The following RAB6A variants were observed in gnomAD, a reference collection of about 807,000 sequenced individuals.
The protein encoded by RAB6A is ras-related protein Rab-6A.
In RAB6A, 8 loss-of-function variants were observed where a neutral mutation model predicts 32.3. That is an observed-to-expected ratio of 0.25 (90% CI 0.15 to 0.45). The LOEUF is 0.45. Among genes scored for constraint, RAB6A ranks in the 20% least tolerant of loss-of-function variants. The pLI is 1.00. For synonymous variants in RAB6A, 73 were observed against 82.1 expected (o/e 0.89, Z 0.60); for missense variants, 104 against 249.4 (o/e 0.42, Z 3.93).
chr11:73,722,337 A>ATT (rs1946152503), intron 2 of RAB6A: 7 of 9,988 alleles, frequency 7.0e-4, no homozygotes, highest in African/African-American at 2.5e-3. Flanking sequence ...ATATATATAT[A>ATT]TATATATTTT....
chr11:73,725,409 G>C (rs1946201102), intron 2 of RAB6A, among the ~76,000 whole-genome samples: 1 of 152,212 alleles, frequency 6.6e-6, no homozygotes, highest in Non-Finnish European at 1.5e-5. Context: ...AAAGAGAAGT[G>C]TATTAGTCTG....
Position 73,760,585 on chromosome 11 carries a change from C to A in RAB6A, c.51G>T (p.Val17=), listed in dbSNP as rs762361474. The part of the protein sequence containing the change: ...FGNPLRKFKL[V]FLGEQSVGKT... ...ACTCACCGCTTTGCTCCCCCAGGAA[C>A]ACCAGCTTGAATTTCCTCAGCGGAT... is the stretch of plus-strand genomic sequence containing the variant. Residue 17 remains valine (V), a synonymous_variant, in exon 1 of 8, where the codon GTG becomes GTT. Transcript: ENST00000336083. 32 of 1,611,050 alleles carry A rather than the reference C, an allele frequency of 2.0e-5. No homozygotes were observed. Among genetic ancestry groups the A allele is most frequent in the Non-Finnish European group, 2.6e-5 (31 of 1,178,782 alleles).
At chr11:73,695,313 T>A (rs754859260) in intron 6 of RAB6A, among the ~76,000 whole-genome samples, 1 of 151,808 alleles carries the variant, frequency 6.6e-6, no homozygotes, top group South Asian at 2.1e-4. Context: ...TGACTAAGTA[T>A]GAGACTAGTA....
chr11:73,741,418 G>A lies in RAB6A; in HGVS notation c.71-10595C>T, dbSNP rs1291462111. ...CTCCCAAAGTGCTAAGATTATAGGC[G>A]TGAGCCACCGTGCCTGGCCCAAAAT... On this transcript the variant is annotated intron_variant, in intron 1 of 7. Transcript: ENST00000336083. Among the ~76,000 whole-genome samples the A allele has an allele frequency of 6.6e-5, 10 of 152,192 alleles. No homozygotes were observed. In the East Asian group the frequency reaches 7.7e-4, roughly 12 times the overall value.
At position 73,744,188 on chromosome 11, in the gene RAB6A, A is replaced by AT. The variant is rs57268769; in HGVS notation, c.71-13366dup. 3.7e-3 allele frequency among the ~76,000 whole-genome samples: 566 copies of AT among 152,006 alleles called. 4 individuals are homozygous for AT. Among genetic ancestry groups the AT allele is most frequent in the African/African-American group, 0.013 (538 of 41,454 alleles). ...CCTGTCTCTACTAAAAATACAAAAA[A>AT]TTAGCCGGGCATGGTGGTGGGCGCC... is the stretch of plus-strand genomic sequence containing the variant. On this transcript the variant is annotated intron_variant, in intron 1 of 7. Transcript: ENST00000336083.
At position 73,685,588 on chromosome 11, in the gene RAB6A, G is replaced by GAAAGTCTTTTTTTTTTTTTTT. The variant is rs1555054176; in HGVS notation, c.496-5869_496-5868insAAAAAAAAAAAAAAAGACTTT. ...AAGTGTGAGCCACCACGCCCGGACT[G>GAAAGTCTTTTTTTTTTTTTTT]AAAGTAGCGACCAGGTGCGGTGCCT... On this transcript the variant is annotated intron_variant, in intron 6 of 7. Coordinates refer to ENST00000336083, the MANE Select transcript of RAB6A (RefSeq NM_198896.2). Among the ~76,000 whole-genome samples, 5 of 89,584 alleles carry GAAAGTCTTTTTTTTTTTTTTT rather than the reference G, an allele frequency of 5.6e-5. 2 individuals are homozygous for GAAAGTCTTTTTTTTTTTTTTT. The highest frequency in any genetic ancestry group is 1.4e-4 in the Admixed American group (1 of 7,154). 58.8% of individuals were successfully genotyped at this position (89,584 alleles called of 152,430 possible).
intron 5 of RAB6A, among the ~76,000 whole-genome samples, chr11:73,714,176 GAGC>G (rs1946011164): frequency 1.0e-5 from 1 of 95,316 alleles, no homozygotes; most frequent in Non-Finnish European, 2.0e-5. Flanking sequence ...TAAGCAACAA[GAGC>G]AGAACTCCAT....
At chr11:73,685,155 C>T (rs1945422775) in intron 6 of RAB6A, among the ~76,000 whole-genome samples, 1 of 152,186 alleles carries the variant, frequency 6.6e-6, no homozygotes, top group South Asian at 2.1e-4. Flanking sequence ...ATCATGTAAT[C>T]TTCGTTCCTC....
Position 73,691,633 on chromosome 11 carries a change from A to T in RAB6A, c.496-11913T>A, listed in dbSNP as rs577452207. Among the ~76,000 whole-genome samples, 4 of 152,334 alleles carry T rather than the reference A, an allele frequency of 2.6e-5. No individual in the cohort carries two copies. In the South Asian group the frequency reaches 8.3e-4, roughly 32 times the overall value. ...GTAGATATTTTTCAAAATGTTAGCT[A>T]AAACAATAATTAAGGGGTGTGAAAA... On this transcript the variant is annotated intron_variant, in intron 6 of 7. Coordinates refer to ENST00000336083, the MANE Select transcript of RAB6A (RefSeq NM_198896.2).
At chr11:73,692,005 C>T (rs1362117800) in intron 6 of RAB6A, among the ~76,000 whole-genome samples, 1 of 151,928 alleles carries the variant, frequency 6.6e-6, no homozygotes, top group Non-Finnish European at 1.5e-5. Flanking sequence ...AAGTGCAGCA[C>T]AAATGTTTAT....
chr11:73,744,387 T>G (rs1356691145), intron 1 of RAB6A, among the ~76,000 whole-genome samples: 1 of 150,366 alleles, frequency 6.7e-6, no homozygotes, highest in Non-Finnish European at 1.5e-5. Flanking sequence ...AGCACATGCT[T>G]GTGGTCCCAG....
At chr11:73,702,375 T>C (rs966857826) in intron 6 of RAB6A, among the ~76,000 whole-genome samples, 2 of 152,228 alleles carry the variant, frequency 1.3e-5, no homozygotes, top group Non-Finnish European at 1.5e-5. Context: ...TTTCACTATG[T>C]TGACCAGGAT....
chr11:73,760,754 C>A lies in RAB6A; in HGVS notation c.-119G>T, dbSNP rs372385412. Reference sequence around the variant, plus strand: ...GGGCACCGAGCTCTCTCGGCCCCTGCAAGGCCCGGTGGAGGAGCCCGGCTG... The same window carrying A: ...GGGCACCGAGCTCTCTCGGCCCCTGAAAGGCCCGGTGGAGGAGCCCGGCTG... On this transcript the variant is annotated 5_prime_UTR_variant, in exon 1 of 8. Coordinates refer to ENST00000336083, the MANE Select transcript of RAB6A (RefSeq NM_198896.2). 1.1e-4 allele frequency: 155 copies of A among 1,427,878 alleles called. No individual in the cohort carries two copies. The African/African-American group carries it at 2.1e-3, about 19-fold the overall frequency. The allele number at this position is 1,427,878 out of a possible 1,614,324, so 88.5% of individuals were successfully genotyped here. A position where few individuals can be genotyped will look rare whatever the true frequency, so the allele number is the denominator to read the frequency against.
chr11:73,694,179 G>C (rs904388577), intron 6 of RAB6A, among the ~76,000 whole-genome samples: 5 of 152,038 alleles, frequency 3.3e-5, no homozygotes, highest in African/African-American at 1.2e-4. Context: ...GTGCAGCTAG[G>C]GTTAAGAACC....
chr11:73,689,475 C>T (rs183892940), intron 6 of RAB6A, among the ~76,000 whole-genome samples: 41 of 152,292 alleles, frequency 2.7e-4, no homozygotes, highest in Middle Eastern at 3.4e-3. Context: ...TAACAGGCCA[C>T]GGACCAGTAT....
intron 7 of RAB6A, 75 bp from the exon 8 acceptor site, chr11:73,678,037 G>A: frequency 6.9e-7 from 1 of 1,457,046 alleles, no homozygotes; most frequent in Non-Finnish European, 9.6e-7. Flanking sequence ...TTTCTGGGAT[G>A]GCCCTTATAT....
intron 1 of RAB6A, among the ~76,000 whole-genome samples, chr11:73,742,344 C>T (rs1024262236): frequency 6.6e-6 from 1 of 152,100 alleles, no homozygotes; most frequent in Non-Finnish European, 1.5e-5. Context: ...GCTATGGCTG[C>T]CCAGCCTTGT....
chr11:73,716,466 G>GC (rs1382561296), intron 4 of RAB6A, 104 bp from the exon 5 acceptor site: 1 of 688,208 alleles, frequency 1.5e-6, no homozygotes, highest in African/African-American at 1.8e-5. Context: ...AAGGGGGCTG[G>GC]CACATTAGTA....
chr11:73,722,305 G>GTGTGCATATATATA (rs1238666420), intron 2 of RAB6A: 1 of 42,368 alleles, frequency 2.4e-5, no homozygotes, highest in African/African-American at 9.9e-5. Context: ...ATGTGTGTGT[G>GTGTGCATATATATA]TATATATATA....
Sources: gnomAD v4.1 joint callset for allele counts (sites outside exome capture counted in the v4.1 genomes callset) on GRCh38, gnomAD v4.1.1 for gene constraint, MANE v1.5 for transcripts, NCBI Gene and HGNC (gene_info 2026-07-23, HGNC 2026-07-21) for gene names.